The following COL15A1 variants were observed in gnomAD, a reference collection of about 807,000 sequenced individuals.
COL15A1 encodes collagen type XV alpha 1 chain.
Under a neutral mutation model 165.9 loss-of-function variants are expected in COL15A1, and 111 were observed. The observed-to-expected ratio is 0.67, with a 90% CI of 0.57 to 0.78. COL15A1 has a LOEUF of 0.78. Among genes scored for constraint, COL15A1 ranks in the 30% least tolerant of loss-of-function variants. COL15A1 has a pLI of 0.00. For synonymous variants in COL15A1, 659 were observed against 674.8 expected, an observed-to-expected ratio of 0.98 and a Z score of 0.36; for missense variants, 1,745 against 1,789.7, an observed-to-expected ratio of 0.98 and a Z score of 0.45.
Position 98,990,345 on chromosome 9 carries a change from C to CA in COL15A1, c.804+1091dup, listed in dbSNP as rs571734069. 7.2e-5 allele frequency among the ~76,000 whole-genome samples: 11 copies of CA among 152,292 alleles called. No individual in the cohort carries two copies. In the South Asian group the frequency reaches 2.3e-3, roughly 32 times the overall value. On this transcript the variant is annotated intron_variant, in intron 5 of 41. Coordinates refer to ENST00000375001, the MANE Select transcript of COL15A1 (RefSeq NM_001855.5). ...TGGGGTCATGGCCTGAGTGGTATTG[C>CA]AAAAGTCCATCCCAAGGATGGCGGC...
Position 99,069,730 on chromosome 9 carries a change from C to G in COL15A1, c.4011C>G (p.Asn1337Lys). The change falls in exon 42 of 42, where the codon AAC becomes AAG. Residue 1337 changes from asparagine (N) to lysine (K), a missense_variant. Asn to Lys is a moderately conservative substitution (Grantham distance 94). Transcript: ENST00000375001. ...CCCATGGCGTCCGCCTTGTGGATAACTACTGTGAAGCATGGCGAACCGCGG... is the reference window on the plus strand; with the variant it reads ...CCCATGGCGTCCGCCTTGTGGATAAGTACTGTGAAGCATGGCGAACCGCGG... ...SSPHGVRLVD[N>K]YCEAWRTADT... 1.9e-6 allele frequency: 3 copies of G among 1,614,206 alleles called. No individual in the cohort carries two copies. The highest frequency in any genetic ancestry group is 1.6e-4 in the Middle Eastern group (1 of 6,062).
chr9:98,985,477 C>A, intron 2 of COL15A1, 88 bp from the exon 3 acceptor site: 1 of 1,275,978 alleles, frequency 7.8e-7, no homozygotes, highest in Middle Eastern at 2.8e-4. Context: ...CTGAGTGATC[C>A]CGTTTCATTT....
chr9:98,961,272 G>A (rs897323914), intron 2 of COL15A1, among the ~76,000 whole-genome samples: 1 of 152,130 alleles, frequency 6.6e-6, no homozygotes, highest in African/African-American at 2.4e-5. Context: ...TAGTCTAATG[G>A]GGGACATTGA....
chr9:99,042,158 A>G, intron 24 of COL15A1, 51 bp downstream of exon 24: 3 of 1,340,380 alleles, frequency 2.2e-6, no homozygotes, highest in Admixed American at 4.1e-5. Flanking sequence ...AATTTGCTAA[A>G]CGTTTCAGAT....
rs772404354 is a variant in COL15A1, at chr9:99,042,115, G to A, written c.2574+8G>A. 1.2e-6 allele frequency: 2 copies of A among 1,605,566 alleles called. No individual in the cohort carries two copies. The highest frequency in any genetic ancestry group is 1.1e-5 in the South Asian group (1 of 89,182). ...GGACTAAAAGGAGAACAGGTAAGAG[G>A]GGCCCAGGTATCTGAGTGAGATTGG... is the stretch of plus-strand genomic sequence containing the variant. On this transcript the variant is annotated splice_region_variant and intron_variant, in intron 24 of 41. Coordinates refer to ENST00000375001, the MANE Select transcript of COL15A1 (RefSeq NM_001855.5).
chr9:99,011,406 G>GAAAAA (rs774837414), intron 9 of COL15A1, among the ~76,000 whole-genome samples: 2,193 of 46,720 alleles, frequency 0.047, 117 homozygotes, highest in African/African-American at 0.15. Flanking sequence ...CCCTCTTTCT[G>GAAAAA]AAAAAAAAAA....
intron 2 of COL15A1, among the ~76,000 whole-genome samples, chr9:98,953,898 G>A (rs1472186652): frequency 6.6e-6 from 1 of 152,238 alleles, no homozygotes; most frequent in Non-Finnish European, 1.5e-5. Context: ...AAAATGGTCT[G>A]TCTGTTCTGT....
chr9:98,981,814 AT>A (rs939245195), intron 2 of COL15A1, among the ~76,000 whole-genome samples: 9 of 151,758 alleles, frequency 5.9e-5, no homozygotes, highest in Non-Finnish European at 1.3e-4. Context: ...TATTATAATT[AT>A]TTTTTTTAGA....
rs947346680 is a variant in COL15A1, at chr9:99,049,700, G to A, written c.2804G>A (p.Gly935Asp). ...DPGVIMQGPP[G>D]LPGPPGPPGP... ...TTTTTCTTCCTTCAGGGCCCACCTG[G>A]CTTACCTGGCCCTCCAGGCCCCCCT... is the stretch of plus-strand genomic sequence containing the variant. Residue 935 changes from glycine (G) to aspartate (D), a missense_variant, in exon 29 of 42, where the codon GGC becomes GAC. Transcript: ENST00000375001. The A allele has an allele frequency of 5.0e-6, 8 of 1,613,362 alleles. No homozygotes were observed. The highest frequency in any genetic ancestry group is 4.0e-5 in the African/African-American group (3 of 74,914).
At chr9:99,048,195 T>G (rs1839526054) in intron 28 of COL15A1, among the ~76,000 whole-genome samples, 195 bp downstream of exon 28, 1 of 152,112 alleles carries the variant, frequency 6.6e-6, no homozygotes, top group South Asian at 2.1e-4. Context: ...CTAAAACACC[T>G]TAGTGGAAAA....
At chr9:98,981,753 T>C (rs1838238655) in intron 2 of COL15A1, among the ~76,000 whole-genome samples, 1 of 152,140 alleles carries the variant, frequency 6.6e-6, no homozygotes, top group Non-Finnish European at 1.5e-5. Flanking sequence ...TCAGCTGAAT[T>C]GATACTGTCT....
chr9:99,038,623 C>A, intron 21 of COL15A1, 45 bp from the exon 22 acceptor site: 2 of 1,184,770 alleles, frequency 1.7e-6, no homozygotes, highest in Non-Finnish European at 2.5e-6. Context: ...CAAGGCAGAA[C>A]ACATGCCATC....
Position 99,055,132 on chromosome 9 carries a change from A to C in COL15A1, c.3062A>C (p.His1021Pro), listed in dbSNP as rs778528796. 1 of 1,613,608 alleles carries C rather than the reference A, an allele frequency of 6.2e-7. No individual in the cohort carries two copies. The highest frequency in any genetic ancestry group is 8.5e-7 in the Non-Finnish European group (1 of 1,179,496). The change falls in exon 33 of 42, where the codon CAC becomes CCC. Residue 1021 changes from histidine (H) to proline (P), a missense_variant. Transcript: ENST00000375001. ...CCACTTGATCTAGCTTACCTGAGAC[A>C]CTTTCTGAACAACTTGAAGGTGAGT... ...GPPLDLAYLR[H>P]FLNNLKGENG...
chr9:99,065,883 G>A lies in COL15A1; in HGVS notation c.3652-999G>A, dbSNP rs114029642. Among the ~76,000 whole-genome samples the A allele has an allele frequency of 4.7e-3, 716 of 151,822 alleles. 8 individuals carry two copies. The highest frequency in any genetic ancestry group is 0.017 in the African/African-American group (693 of 41,344). ...CTGGCTGGAAGCTGGAGAAGCAGAA[G>A]ACCACCATGGTGATCCTGGTCACTG... On this transcript the variant is annotated intron_variant, in intron 39 of 41. Transcript: ENST00000375001.
rs1265274524 is a variant in COL15A1, at chr9:99,067,208, G to T, written c.3837+141G>T. On this transcript the variant is annotated intron_variant, in intron 40 of 41. Coordinates refer to ENST00000375001, the MANE Select transcript of COL15A1 (RefSeq NM_001855.5). ...CTTACTGGCTATGTCACTTTGGGTG[G>T]GTTCTTTGCCTTCCCTGAACCTCAG... The T allele has an allele frequency of 5.7e-6, 4 of 705,516 alleles. No homozygotes were observed. The Admixed American group carries it at 9.4e-5, about 17-fold the overall frequency. 43.7% of individuals were successfully genotyped at this position (705,516 alleles called of 1,614,324 possible). A position where few individuals can be genotyped will look rare whatever the true frequency, so the allele number is the denominator to read the frequency against.
rs367987402 is a variant in COL15A1, at chr9:99,059,966, A to T, written c.3402+13A>T. On this transcript the variant is annotated intron_variant, in intron 36 of 41. Transcript: ENST00000375001. ...ATCCAGAAACCTGGTCAGTATTATC[A>T]TCAGTGTGTAGTCATCATTCCATTT... 9.3e-6 allele frequency: 15 copies of T among 1,613,340 alleles called. No homozygotes were observed. In the African/African-American group the frequency reaches 1.3e-4, roughly 14 times the overall value.
chr9:99,044,817 A>AT, intron 26 of COL15A1, 47 bp downstream of exon 26: 1 of 1,546,982 alleles, frequency 6.5e-7, no homozygotes, highest in South Asian at 1.1e-5. Flanking sequence ...GGTTTGAAGC[A>AT]TTTTTCATAC....
At chr9:99,045,243 A>G (rs566821692) in intron 26 of COL15A1, among the ~76,000 whole-genome samples, 1 of 152,356 alleles carries the variant, frequency 6.6e-6, no homozygotes, top group South Asian at 2.1e-4. Context: ...ACTTGCAGTT[A>G]TACCACAGAA....
chr9:99,014,689 G>A (rs562298446), intron 9 of COL15A1, among the ~76,000 whole-genome samples: 39 of 152,178 alleles, frequency 2.6e-4, no homozygotes, highest in Non-Finnish European at 3.8e-4. Context: ...AGACATGCCC[G>A]TGACACAGCC....
Sources: allele counts gnomAD v4.1 joint callset (sites outside exome capture counted in the v4.1 genomes callset), GRCh38; gene constraint gnomAD v4.1.1; transcripts MANE v1.5; gene names NCBI Gene and HGNC (gene_info 2026-07-23, HGNC 2026-07-21).